Variants in GPM6A observed in about 807,000 individuals in gnomAD.
GPM6A encodes glycoprotein M6A.
GPM6A carries 7 observed loss-of-function variants against 32.1 expected under a neutral mutation model. That is an observed-to-expected ratio of 0.22 (90% CI 0.12 to 0.41). The LOEUF is 0.41. Ranked by LOEUF, GPM6A falls within the 10% of genes least tolerant of loss-of-function variation. The probability of loss-of-function intolerance (pLI) is 1.00; values close to 1 mark genes in which losing one functional copy is unlikely to be tolerated. For missense variants in GPM6A, 235 were observed against 347.2 expected (o/e 0.68, Z 2.57); for synonymous variants, 130 against 123.4 (o/e 1.05, Z -0.35).
intron 2 of GPM6A, among the ~76,000 whole-genome samples, chr4:175,690,123 T>C (rs1310975642): frequency 6.6e-6 from 1 of 152,220 alleles, no homozygotes; most frequent in Non-Finnish European, 1.5e-5. Context: ...ACTGTTGAAT[T>C]GATGTTTTAT....
intron 1 of GPM6A, among the ~76,000 whole-genome samples, chr4:175,764,425 C>T (rs1732878903): frequency 6.6e-6 from 1 of 152,092 alleles, no homozygotes; most frequent in South Asian, 2.1e-4. Context: ...AGGTGATGGA[C>T]ATTTGGTTTG....
rs1740191777 is a variant in GPM6A at position 175,962,271 on chromosome 4, T to C, written c.-23+40038A>G. On this transcript the variant is annotated intron_variant, in intron 1 of 7. Transcript: ENST00000280187. Reference sequence around the variant, plus strand: ...ATATGTCATTGAAAACTCAAATGCCTTTTCAACACCACAGACACCAGAAGT... The same window carrying C: ...ATATGTCATTGAAAACTCAAATGCCCTTTCAACACCACAGACACCAGAAGT... 5 of 1,327,766 alleles carry C rather than the reference T, an allele frequency of 3.8e-6. No individual in the cohort carries two copies. The South Asian group carries it at 4.7e-5, about 12-fold the overall frequency. The allele number at this position is 1,327,766 out of a possible 1,614,324, so 82.2% of individuals were successfully genotyped here.
chr4:175,801,996 G>A (rs569430298), intron 1 of GPM6A, among the ~76,000 whole-genome samples: 9 of 152,078 alleles, frequency 5.9e-5, no homozygotes, highest in South Asian at 2.1e-4. Context: ...ACTACACTCC[G>A]TATAAGTATA....
At chr4:175,825,488 G>A (rs1362886179) in intron 1 of GPM6A, among the ~76,000 whole-genome samples, 1 of 152,070 alleles carries the variant, frequency 6.6e-6, no homozygotes, top group Non-Finnish European at 1.5e-5. Flanking sequence ...TTTCAGAAGA[G>A]GAATGTAAGA....
intron 6 of GPM6A, among the ~76,000 whole-genome samples, chr4:175,636,596 G>C (rs2110863090): frequency 6.7e-6 from 1 of 150,334 alleles, no homozygotes; most frequent in East Asian, 2.0e-4. Context: ...AGGAGTCCAA[G>C]ACCAGTCTGG....
chr4:175,951,883 A>G (rs112954233), intron 1 of GPM6A, among the ~76,000 whole-genome samples: 2 of 152,314 alleles, frequency 1.3e-5, no homozygotes, highest in African/African-American at 4.8e-5. Flanking sequence ...TAGAAAAAAA[A>G]AGACCAGCTT....
chr4:175,830,811 T>A (rs895372679), intron 1 of GPM6A, among the ~76,000 whole-genome samples: 2 of 146,496 alleles, frequency 1.4e-5, no homozygotes, highest in Non-Finnish European at 3.0e-5. Context: ...ATTATTTCTG[T>A]TTTTTTTTTC....
chr4:175,673,818 ATACT>A lies in GPM6A; in HGVS notation c.245_248del (p.Lys82MetfsTer2). The stretch of plus-strand genomic sequence containing the variant: ...ACGCAGCTGCGATGCCGTAGATCAC[ATACT>A]TAAAGATGTCAATCCTGAGAGAAAA... On this transcript the variant is annotated frameshift_variant, in exon 3 of 7. Transcript: ENST00000393658. LOFTEE classifies it high-confidence loss of function. 1 of 1,601,322 alleles carries A rather than the reference ATACT, an allele frequency of 6.2e-7. No homozygotes were observed. The highest frequency in any genetic ancestry group is 8.5e-7 in the Non-Finnish European group (1 of 1,170,756).
chr4:175,889,832 A>G (rs990677795), intron 1 of GPM6A, among the ~76,000 whole-genome samples: 4 of 152,140 alleles, frequency 2.6e-5, no homozygotes, highest in African/African-American at 9.7e-5. Flanking sequence ...AAAACAAAAC[A>G]AAAAAGAAAG....
At chr4:175,785,172 C>T (rs575085393) in intron 1 of GPM6A, among the ~76,000 whole-genome samples, 2 of 152,268 alleles carry the variant, frequency 1.3e-5, no homozygotes, top group Admixed American at 1.3e-4. Flanking sequence ...TGGGGATGTC[C>T]CCTGACCAAG....
chr4:176,001,128 A>T (rs931784688), intron 1 of GPM6A, among the ~76,000 whole-genome samples: 18 of 152,070 alleles, frequency 1.2e-4, no homozygotes, highest in Non-Finnish European at 2.4e-4. Context: ...AACTCCAGAA[A>T]TTAGTAGTCA....
At chr4:175,643,366 G>A (rs1333917305) in intron 4 of GPM6A, among the ~76,000 whole-genome samples, 1 of 152,092 alleles carries the variant, frequency 6.6e-6, no homozygotes, top group Non-Finnish European at 1.5e-5. Flanking sequence ...TACATCGTGG[G>A]AACTCATAGA....
intron 1 of GPM6A, among the ~76,000 whole-genome samples, chr4:175,929,525 T>C (rs1738958480): frequency 6.6e-6 from 1 of 152,232 alleles, no homozygotes; most frequent in South Asian, 2.1e-4. Context: ...AAAACTGTCC[T>C]GACCCATATT....
chr4:175,947,909 T>C (rs976469808), intron 1 of GPM6A, among the ~76,000 whole-genome samples: 2 of 152,194 alleles, frequency 1.3e-5, no homozygotes, highest in African/African-American at 4.8e-5. Context: ...CAGTAGGCAC[T>C]TGATAATTAG....
intron 6 of GPM6A, among the ~76,000 whole-genome samples, chr4:175,636,285 T>TATATATATATATATATAC (rs1560840528): frequency 5.1e-5 from 7 of 138,416 alleles, no homozygotes; most frequent in African/African-American, 1.8e-4. Flanking sequence ...TATATATATA[T>TATATATATATATATATAC]ATATATATAT....
At chr4:175,971,641 A>G (rs890953941) in intron 1 of GPM6A, among the ~76,000 whole-genome samples, 4 of 152,178 alleles carry the variant, frequency 2.6e-5, no homozygotes, top group Non-Finnish European at 5.9e-5. Flanking sequence ...AAACCAAAGG[A>G]AAGAAGGAGG....
At position 175,692,399 on chromosome 4, in the gene GPM6A, A is replaced by G. The variant is rs114251524; in HGVS notation, c.230+9176T>C. On this transcript the variant is annotated intron_variant, in intron 2 of 6. Coordinates refer to ENST00000393658, the MANE Select transcript of GPM6A (RefSeq NM_201591.3). ...ATTATAATTTATTTTTTTCTGATAA[A>G]TTGATAGGTTATAAATAATGGTATC... is the stretch of plus-strand genomic sequence containing the variant. Among the ~76,000 whole-genome samples, 205 of 152,250 alleles carry G rather than the reference A, an allele frequency of 1.3e-3. 1 individual carries two copies. Among genetic ancestry groups the G allele is most frequent in the African/African-American group, 4.8e-3 (199 of 41,550 alleles).
intron 6 of GPM6A, among the ~76,000 whole-genome samples, chr4:175,637,333 A>G (rs188802485): frequency 0.069 from 5,257 of 75,970 alleles, 497 homozygotes; most frequent in African/African-American, 0.13. Context: ...TATATTATAT[A>G]TTATATATTA....
chr4:175,830,123 C>T (rs1735563444), intron 1 of GPM6A, among the ~76,000 whole-genome samples: 1 of 152,028 alleles, frequency 6.6e-6, no homozygotes, highest in Non-Finnish European at 1.5e-5. Flanking sequence ...GGAAAATGCA[C>T]ATGAATATGG....
Sources: allele counts gnomAD v4.1 joint callset (sites outside exome capture counted in the v4.1 genomes callset), GRCh38; gene constraint gnomAD v4.1.1; transcripts MANE v1.5; gene names NCBI Gene and HGNC (gene_info 2026-07-23, HGNC 2026-07-21).